Variants in ELOVL6 observed in about 807,000 individuals in gnomAD.
ELOVL6 encodes very long chain fatty acid elongase 6.
A neutral mutation model predicts 31.7 loss-of-function variants in ELOVL6; 8 were observed. The observed-to-expected ratio is 0.25, with a 90% CI of 0.15 to 0.45. The LOEUF is 0.45. ELOVL6 is among the 20% of genes least tolerant of loss of function. The pLI is 1.00. For missense variants in ELOVL6, 126 were observed against 326.4 expected (o/e 0.39, Z 4.73); for synonymous variants, 101 against 117.7 (o/e 0.86, Z 0.92).
intron 1 of ELOVL6, among the ~76,000 whole-genome samples, chr4:110,158,043 C>G (rs10003316): frequency 1.3e-5 from 2 of 152,104 alleles, no homozygotes; most frequent in Non-Finnish European, 1.5e-5. Flanking sequence ...GGATATAGTA[C>G]ATTGAAACTG....
chr4:110,131,230 T>C (rs1275803910), intron 1 of ELOVL6, among the ~76,000 whole-genome samples: 1 of 152,210 alleles, frequency 6.6e-6, no homozygotes, highest in East Asian at 1.9e-4. Flanking sequence ...ACACCTTTCA[T>C]GAGTCACCAG....
At chr4:110,132,211 T>C (rs540990586) in intron 1 of ELOVL6, among the ~76,000 whole-genome samples, 4 of 151,852 alleles carry the variant, frequency 2.6e-5, no homozygotes, top group Admixed American at 1.3e-4. Context: ...GAGATTAAAT[T>C]TGTAGAAAGC....
chr4:110,120,311 T>C (rs1757306976), intron 1 of ELOVL6, among the ~76,000 whole-genome samples: 2 of 150,224 alleles, frequency 1.3e-5, no homozygotes, highest in South Asian at 4.2e-4. Context: ...TAGCTATGTT[T>C]ACACAGAAAG....
chr4:110,072,113 T>C (rs567403632), intron 2 of ELOVL6, among the ~76,000 whole-genome samples: 1 of 152,236 alleles, frequency 6.6e-6, no homozygotes, highest in South Asian at 2.1e-4. Context: ...ACCTAACTCC[T>C]AGCAGCTGAC....
chr4:110,161,917 G>T (rs1055592902), intron 1 of ELOVL6, among the ~76,000 whole-genome samples: 19 of 152,138 alleles, frequency 1.2e-4, no homozygotes, highest in Non-Finnish European at 1.8e-4. Flanking sequence ...TGTTTGCGGT[G>T]ACTTTACAGA....
intron 2 of ELOVL6, among the ~76,000 whole-genome samples, chr4:110,074,759 G>T (rs556326493): frequency 3.7e-4 from 57 of 152,242 alleles, no homozygotes; most frequent in African/African-American, 1.3e-3. Flanking sequence ...TAGGCAGGAA[G>T]AACTCAATAA....
At chr4:110,196,391 G>A (rs1200080349) in intron 1 of ELOVL6, among the ~76,000 whole-genome samples, 1 of 152,160 alleles carries the variant, frequency 6.6e-6, no homozygotes, top group Admixed American at 6.5e-5. Context: ...CTAGCCAGCA[G>A]CGCGGTTCCG....
intron 2 of ELOVL6, among the ~76,000 whole-genome samples, chr4:110,087,814 A>C (rs1363086075): frequency 2.6e-5 from 4 of 151,474 alleles, no homozygotes; most frequent in Non-Finnish European, 5.9e-5. Context: ...TAAAAAAAAA[A>C]AAAACCTCCT....
intron 1 of ELOVL6, among the ~76,000 whole-genome samples, chr4:110,150,068 T>G (rs184577985): frequency 6.6e-6 from 1 of 152,286 alleles, no homozygotes; most frequent in Non-Finnish European, 1.5e-5. Context: ...ATGCATTTTA[T>G]TTTTAGTTTT....
chr4:110,072,350 C>T lies in ELOVL6; in HGVS notation c.222-12596G>A, dbSNP rs935810090. On this transcript the variant is annotated intron_variant, in intron 2 of 3. Coordinates refer to ENST00000302274, the MANE Select transcript of ELOVL6 (RefSeq NM_024090.3). ...AATTAGCTGGGTATGGTGGCACATG[C>T]CTGTAATCCCAGGTACTTGGGAGGC... Among the ~76,000 whole-genome samples, 7 of 152,272 alleles carry T rather than the reference C, an allele frequency of 4.6e-5. No homozygotes were observed. The East Asian group carries it at 1.3e-3, about 29-fold the overall frequency.
chr4:110,070,878 CTT>C (rs35205413), intron 2 of ELOVL6, among the ~76,000 whole-genome samples: 2 of 151,550 alleles, frequency 1.3e-5, no homozygotes, highest in East Asian at 1.9e-4. Context: ...AATTAAACCT[CTT>C]TTTTTTTATA....
At chr4:110,117,903 A>AAATATATATATAT in intron 1 of ELOVL6, 1 of 6,506 alleles carries the variant, frequency 1.5e-4, no homozygotes, top group African/African-American at 3.3e-4. Context: ...AAAAAAAAAA[A>AAATATATATATAT]ATATATATAT....
In ELOVL6 at chr4:110,175,984, C is replaced by A. The variant is rs1759091990; in HGVS notation, c.89+22263G>T. On this transcript the variant is annotated intron_variant, in intron 1 of 3. Transcript: ENST00000302274. ...ACTTGTTTAAATCATTATTCTTCCA[C>A]TTCCATTAGGAAGTTTGTATCTAGA... is the stretch of plus-strand genomic sequence containing the variant. Among the ~76,000 whole-genome samples the A allele has an allele frequency of 2.6e-5, 4 of 151,048 alleles. No homozygotes were observed. The South Asian group carries it at 8.4e-4, about 32-fold the overall frequency.
chr4:110,112,893 A>C (rs1455219158), intron 1 of ELOVL6, among the ~76,000 whole-genome samples: 1 of 151,480 alleles, frequency 6.6e-6, no homozygotes, highest in Non-Finnish European at 1.5e-5. Flanking sequence ...AATAAAAACA[A>C]AAGAATTAAA....
At chr4:110,178,554 A>G (rs1385618189) in intron 1 of ELOVL6, among the ~76,000 whole-genome samples, 1 of 140,674 alleles carries the variant, frequency 7.1e-6, no homozygotes, top group Non-Finnish European at 1.6e-5. Context: ...GACTCCATCT[A>G]AAAAAAAAAA....
chr4:110,185,810 T>C (rs887308778), intron 1 of ELOVL6, among the ~76,000 whole-genome samples: 19 of 151,710 alleles, frequency 1.3e-4, no homozygotes, highest in Non-Finnish European at 1.3e-4. Context: ...TAGAAATACC[T>C]TCAATCAGCC....
chr4:110,155,400 A>C (rs528467046), intron 1 of ELOVL6, among the ~76,000 whole-genome samples: 2 of 152,282 alleles, frequency 1.3e-5, no homozygotes, highest in Non-Finnish European at 1.5e-5. Flanking sequence ...CTCCTAATCT[A>C]TAGCAAAAAA....
intron 2 of ELOVL6, among the ~76,000 whole-genome samples, chr4:110,084,409 A>ATCG (rs1214879320): frequency 1.7e-4 from 2 of 12,024 alleles, no homozygotes; most frequent in South Asian, 3.7e-3. Flanking sequence ...ATGATATATG[A>ATCG]CATACATGAT....
chr4:110,161,037 C>T (rs1393023770), intron 1 of ELOVL6, among the ~76,000 whole-genome samples: 3 of 152,156 alleles, frequency 2.0e-5, no homozygotes, highest in African/African-American at 4.8e-5. Context: ...TATCTATTCC[C>T]TCTTGTAATG....
Sources: gnomAD v4.1 joint callset for allele counts (sites outside exome capture counted in the v4.1 genomes callset) on GRCh38, gnomAD v4.1.1 for gene constraint, MANE v1.5 for transcripts, NCBI Gene and HGNC (gene_info 2026-07-23, HGNC 2026-07-21) for gene names.